EYA1: variants seen among roughly 807,000 people sequenced by gnomAD.
EYA1 encodes EYA transcriptional coactivator and phosphatase 1.
In EYA1, 16 loss-of-function variants were observed where a neutral mutation model predicts 82.0. The observed-to-expected ratio is 0.20, with a 90% CI of 0.13 to 0.30. The LOEUF (loss-of-function observed/expected upper bound fraction) is 0.30. Ranked by LOEUF, EYA1 falls within the 10% of genes least tolerant of loss-of-function variation. The pLI is 1.00. For missense variants in EYA1, 633 were observed against 730.7 expected, an observed-to-expected ratio of 0.87 and a Z score of 1.54; for synonymous variants, 261 against 264.4, an observed-to-expected ratio of 0.99 and a Z score of 0.12.
intron 2 of EYA1, among the ~76,000 whole-genome samples, chr8:71,471,298 T>C (rs1057090884): frequency 6.6e-5 from 10 of 152,064 alleles, no homozygotes; most frequent in Non-Finnish European, 1.5e-4. Context: ...TAGATGTCTG[T>C]AATCCTTATT....
chr8:71,271,869 T>C lies in EYA1; in HGVS notation c.855A>G (p.Thr285=). 8.7e-6 allele frequency: 14 copies of C among 1,614,130 alleles called. No individual in the cohort carries two copies. Among genetic ancestry groups the C allele is most frequent in the Non-Finnish European group, 1.2e-5 (14 of 1,180,018 alleles). The change falls in exon 10 of 18, where the codon ACA becomes ACG. Residue 285 remains threonine, a synonymous_variant. Transcript: ENST00000340726. ...GATCAGAATCTGAATCTTTAATGGG[T>C]GTTGATGGGCTGTGGATTGTGCTGT... ...AEYSTIHSPS[T]PIKDSDSDRL...
intron 2 of EYA1, among the ~76,000 whole-genome samples, chr8:71,480,324 T>C (rs955230353): frequency 9.2e-5 from 14 of 152,174 alleles, no homozygotes; most frequent in African/African-American, 3.4e-4. Context: ...GTGATGTGTA[T>C]ATGACATGAG....
intron 4 of EYA1, among the ~76,000 whole-genome samples, chr8:71,330,993 G>A (rs1823777614): frequency 6.6e-6 from 1 of 151,994 alleles, no homozygotes; most frequent in Non-Finnish European, 1.5e-5. Context: ...CACTTTGGGA[G>A]GCCGAGGCGA....
chr8:71,252,541 A>G (rs1231583270), intron 11 of EYA1, among the ~76,000 whole-genome samples: 1 of 152,146 alleles, frequency 6.6e-6, no homozygotes, highest in African/African-American at 2.4e-5. Context: ...AGTCATCAGT[A>G]AAGCTAATTT....
In EYA1 at chr8:71,280,307, A is replaced by G. The variant is rs528449974; in HGVS notation, c.827-8410T>C. 7.9e-5 allele frequency among the ~76,000 whole-genome samples: 12 copies of G among 152,370 alleles called. No individual in the cohort carries two copies. The South Asian group carries it at 2.3e-3, about 29-fold the overall frequency. ...GTCAAGCCATGCTGTTTACTATGTA[A>G]GAAAACCAGGAAATTCAGGTGAAAA... On this transcript the variant is annotated intron_variant, in intron 9 of 17. Coordinates refer to ENST00000340726, the MANE Select transcript of EYA1 (RefSeq NM_000503.6).
intron 11 of EYA1, among the ~76,000 whole-genome samples, chr8:71,267,044 A>T (rs1900081): frequency 0.49 from 74,399 of 151,670 alleles, 19,536 homozygotes; most frequent in African/African-American, 0.68. Flanking sequence ...TACAACCTCC[A>T]ATTTGGACCC....
At chr8:71,338,649 A>G (rs1329666905) in intron 3 of EYA1, among the ~76,000 whole-genome samples, 1 of 152,274 alleles carries the variant, frequency 6.6e-6, no homozygotes, top group Non-Finnish European at 1.5e-5. Flanking sequence ...ACCATTCAGA[A>G]GAAACAAATA....
Position 71,492,467 on chromosome 8 carries a change from TA to T in EYA1, c.33+43276del, listed in dbSNP as rs201359217. On this transcript the variant is annotated intron_variant, in intron 2 of 18. Coordinates refer to the EYA1 transcript ENST00000643681. Reference sequence around the variant, plus strand: ...GACAGTTTATTTATTTATTTATTATTATTTTTTTTTTTTTTGAGACGGAGTC... The same window carrying T: ...GACAGTTTATTTATTTATTTATTATTTTTTTTTTTTTTTTGAGACGGAGTC... 6.0e-4 allele frequency among the ~76,000 whole-genome samples: 69 copies of T among 114,486 alleles called. 1 individual carries two copies. The highest frequency in any genetic ancestry group is 2.0e-3 in the African/African-American group (60 of 29,774). The allele number at this position is 114,486 out of a possible 152,430, so 75.1% of individuals were successfully genotyped here.
intron 4 of EYA1, among the ~76,000 whole-genome samples, chr8:71,326,270 T>C (rs573990432): frequency 3.9e-5 from 6 of 152,296 alleles, no homozygotes; most frequent in Admixed American, 1.3e-4. Flanking sequence ...GGCTCCTTCA[T>C]GTCAACACCA....
intron 2 of EYA1, among the ~76,000 whole-genome samples, chr8:71,385,084 A>G (rs1828903954): frequency 6.6e-6 from 1 of 151,988 alleles, no homozygotes; most frequent in Admixed American, 6.6e-5. Flanking sequence ...ATCTTGGCTC[A>G]CTGCAGCCTC....
chr8:71,476,532 G>C lies in EYA1; in HGVS notation c.33+59212C>G, dbSNP rs181072933. Reference sequence around the variant, plus strand: ...ATTCAACCAAGGAAGGTCAAGACTTGTATAATGAAAAATATAAAACACTGT... The same window carrying C: ...ATTCAACCAAGGAAGGTCAAGACTTCTATAATGAAAAATATAAAACACTGT... On this transcript the variant is annotated intron_variant, in intron 2 of 18. Transcript: ENST00000643681. Among the ~76,000 whole-genome samples the C allele has an allele frequency of 3.0e-4, 46 of 152,056 alleles. 1 individual carries two copies. The East Asian group carries it at 6.8e-3, about 22-fold the overall frequency.
intron 12 of EYA1, among the ~76,000 whole-genome samples, chr8:71,243,212 G>A (rs991152588): frequency 9.9e-4 from 151 of 152,288 alleles, no homozygotes; most frequent in African/African-American, 3.6e-3. Context: ...CAAAAAATCA[G>A]TCTACTCTGT....
intron 12 of EYA1, among the ~76,000 whole-genome samples, chr8:71,218,658 C>T (rs1201864197): frequency 2.0e-5 from 3 of 152,138 alleles, no homozygotes; most frequent in Admixed American, 1.3e-4. Context: ...TCTTGGAAAA[C>T]GTGGTTGGGA....
intron 2 of EYA1, among the ~76,000 whole-genome samples, chr8:71,416,302 C>G (rs543347771): frequency 3.9e-4 from 60 of 152,320 alleles, no homozygotes; most frequent in African/African-American, 1.3e-3. Context: ...TGTTGCCAGT[C>G]TCTTGATGCC....
chr8:71,238,687 G>A (rs961873578), intron 12 of EYA1, among the ~76,000 whole-genome samples: 2 of 151,906 alleles, frequency 1.3e-5, no homozygotes, highest in African/African-American at 4.8e-5. Context: ...GAAGGCTGTT[G>A]TAAATTCTAA....
At chr8:71,519,520 AT>A (rs898300091) in intron 2 of EYA1, among the ~76,000 whole-genome samples, 2 of 152,082 alleles carry the variant, frequency 1.3e-5, no homozygotes, top group Non-Finnish European at 2.9e-5. Flanking sequence ...TATAATTGTG[AT>A]TTTGCCAGCA....
chr8:71,285,154 C>T (rs183304766), intron 9 of EYA1, among the ~76,000 whole-genome samples: 7 of 152,246 alleles, frequency 4.6e-5, no homozygotes, highest in African/African-American at 9.6e-5. Context: ...GGAGAAACTG[C>T]GTTTTCTACT....
intron 9 of EYA1, among the ~76,000 whole-genome samples, chr8:71,283,967 A>G (rs940683131): frequency 6.6e-6 from 1 of 152,230 alleles, no homozygotes; most frequent in Non-Finnish European, 1.5e-5. Context: ...AGGCTGTACC[A>G]ATATCAGGAT....
intron 2 of EYA1, among the ~76,000 whole-genome samples, chr8:71,484,681 A>G (rs1810426889): frequency 6.6e-6 from 1 of 152,180 alleles, no homozygotes; most frequent in Non-Finnish European, 1.5e-5. Flanking sequence ...GCCATGTACA[A>G]CGGGTTGAGG....
Sources: gnomAD v4.1 joint callset for allele counts (sites outside exome capture counted in the v4.1 genomes callset) on GRCh38, gnomAD v4.1.1 for gene constraint, MANE v1.5 for transcripts, NCBI Gene and HGNC (gene_info 2026-07-23, HGNC 2026-07-21) for gene names.